The following MC2R variants were observed in gnomAD, a reference collection of about 807,000 sequenced individuals.
MC2R encodes adrenocorticotropic hormone receptor.
MC2R carries 9 observed loss-of-function variants against 9.8 expected under a neutral mutation model. The ratio of observed to expected loss-of-function variants is 0.92; its 90% CI spans 0.55 to 1.60. The LOEUF is 1.60. Ranked by LOEUF, MC2R falls within the 40% of genes most tolerant of loss-of-function variation. The pLI is 0.00. For synonymous variants in MC2R, 185 were observed against 154.7 expected (o/e 1.20, Z -1.45); for missense variants, 370 against 389.0 (o/e 0.95, Z 0.41).
Position 13,883,783 on chromosome 18 carries a change from C to T in MC2R, c.*842G>A, listed in dbSNP as rs1222909892. The T allele has an allele frequency of 6.6e-6, 1 of 152,150 alleles. No homozygotes were observed. Among genetic ancestry groups the T allele is most frequent in the Non-Finnish European group, 1.5e-5 (1 of 68,058 alleles). 9.4% of individuals were successfully genotyped at this position (152,150 alleles called of 1,614,324 possible). On this transcript the variant is annotated 3_prime_UTR_variant, in exon 2 of 2. Coordinates refer to ENST00000327606, the MANE Select transcript of MC2R (RefSeq NM_000529.2). ...CAAATAGTGACAATTTTCATCTGGCCTTTATGTATTCCCACATGGGAACTA... is the reference window on the plus strand; with the variant it reads ...CAAATAGTGACAATTTTCATCTGGCTTTTATGTATTCCCACATGGGAACTA...
intron 1 of MC2R, among the ~76,000 whole-genome samples, chr18:13,886,745 C>A (rs1230614782): frequency 6.6e-6 from 1 of 152,124 alleles, no homozygotes; most frequent in Non-Finnish European, 1.5e-5. Flanking sequence ...CGGCAGTGCA[C>A]CAGTGGGGAA....
intron 1 of MC2R, among the ~76,000 whole-genome samples, chr18:13,904,391 A>C (rs1178229219): frequency 6.6e-6 from 1 of 151,660 alleles, no homozygotes; most frequent in Non-Finnish European, 1.5e-5. Flanking sequence ...AAAAAAAAAA[A>C]AAAAAAAAGT....
rs912256893 is a variant in MC2R, at chr18:13,887,080, T to C, written c.-128-1434A>G. 3.9e-5 allele frequency among the ~76,000 whole-genome samples: 6 copies of C among 152,256 alleles called. No homozygotes were observed. In the South Asian group the frequency reaches 6.2e-4, roughly 16 times the overall value. ...TGCATCTCAGGAACCACCTCAGTCC[T>C]GGGCAGACAGGGATGAGTCACCTTC... On this transcript the variant is annotated intron_variant, in intron 1 of 1. Transcript: ENST00000327606.
At chr18:13,902,023 T>C (rs1033522824) in intron 1 of MC2R, among the ~76,000 whole-genome samples, 1 of 151,898 alleles carries the variant, frequency 6.6e-6, no homozygotes, top group Non-Finnish European at 1.5e-5. Flanking sequence ...AATTCAACAA[T>C]ATATTGGAAA....
At position 13,885,657 on chromosome 18, in the gene MC2R, G is replaced by T. The variant is rs2045271889; in HGVS notation, c.-128-11C>A. The T allele has an allele frequency of 2.1e-6, 2 of 953,770 alleles. No homozygotes were observed. The highest frequency in any genetic ancestry group is 1.7e-5 in the African/African-American group (1 of 60,338). The allele number at this position is 953,770 out of a possible 1,614,324, so 59.1% of individuals were successfully genotyped here. A position where few individuals can be genotyped will look rare whatever the true frequency, so the allele number is the denominator to read the frequency against. On this transcript the variant is annotated splice_polypyrimidine_tract_variant and intron_variant, in intron 1 of 1. Coordinates refer to ENST00000327606, the MANE Select transcript of MC2R (RefSeq NM_000529.2). ...AAATCTCCCAATCACCTAAAAGGGA[G>T]TATACAGAAATATTAGTTGCAAAGT...
chr18:13,902,154 T>C (rs2045383971), intron 1 of MC2R, among the ~76,000 whole-genome samples: 1 of 152,012 alleles, frequency 6.6e-6, no homozygotes, highest in South Asian at 2.1e-4. Flanking sequence ...AAAAACCATA[T>C]GATAATTTCA....
At chr18:13,908,692 G>A (rs1036599434) in intron 1 of MC2R, among the ~76,000 whole-genome samples, 4 of 111,568 alleles carry the variant, frequency 3.6e-5, no homozygotes, top group South Asian at 2.5e-4. Context: ...GCAGTTCAAC[G>A]GTGCAGGAGC....
rs1247444672 is a variant in MC2R at position 13,884,907 on chromosome 18, G to T, written c.612C>A (p.Thr204=). Residue 204 remains threonine (T), a synonymous_variant, in exon 2 of 2, where the codon ACC becomes ACA. Transcript: ENST00000327606. ...CTCTGGGGAGGGTGGAGATCTTCCT[G>T]GTGTGGGATCGAGCCAGCAGGAACA... ...VHMFLLARSH[T]RKISTLPRAN... The T allele has an allele frequency of 1.2e-6, 2 of 1,613,972 alleles. No homozygotes were observed. The highest frequency in any genetic ancestry group is 1.7e-6 in the Non-Finnish European group (2 of 1,180,004).
In MC2R at chr18:13,898,201, C is replaced by T. The variant is rs142050717; in HGVS notation, c.-128-12555G>A. On this transcript the variant is annotated intron_variant, in intron 1 of 1. Coordinates refer to ENST00000327606, the MANE Select transcript of MC2R (RefSeq NM_000529.2). ...CATTCACCACAACCTGACTGAAGAG[C>T]GCTTGCAAACAAGGAAACATCGGTG... Among the ~76,000 whole-genome samples, 113 of 152,274 alleles carry T rather than the reference C, an allele frequency of 7.4e-4. 2 individuals are homozygous for T. The East Asian group carries it at 0.015, about 21-fold the overall frequency.
intron 1 of MC2R, among the ~76,000 whole-genome samples, chr18:13,897,010 A>T (rs186791886): frequency 6.6e-6 from 1 of 152,346 alleles, no homozygotes; most frequent in Admixed American, 6.5e-5. Context: ...CAAGGACACC[A>T]ATTCAACAAC....
At position 13,882,961 on chromosome 18, in the gene MC2R, C is replaced by T. The variant is rs1023134377; in HGVS notation, c.*1664G>A. On this transcript the variant is annotated 3_prime_UTR_variant, in exon 2 of 2. Coordinates refer to ENST00000327606, the MANE Select transcript of MC2R (RefSeq NM_000529.2). ...GAGGACAAGAAGGTGCACCTTTCAC[C>T]TCCATCTGTGGGACAGGCCATGTGA... 1 of 152,182 alleles carries T rather than the reference C, an allele frequency of 6.6e-6. No homozygotes were observed. Among genetic ancestry groups the T allele is most frequent in the Non-Finnish European group, 1.5e-5 (1 of 68,036 alleles). The allele number at this position is 152,182 out of a possible 1,614,324, so 9.4% of individuals were successfully genotyped here.
intron 1 of MC2R, among the ~76,000 whole-genome samples, chr18:13,903,838 C>A (rs2045395061): frequency 6.6e-6 from 1 of 151,680 alleles, no homozygotes; most frequent in Non-Finnish European, 1.5e-5. Flanking sequence ...AAAAATGCAG[C>A]CTTAAAGGAA....
At position 13,900,521 on chromosome 18, in the gene MC2R, TA is replaced by T. The variant is rs1222205747; in HGVS notation, c.-128-14876del. On this transcript the variant is annotated intron_variant, in intron 1 of 1. Transcript: ENST00000327606. ...GCCTACAAGAAACACACTTCACCTA[TA>T]AAGACACACATGGACTGAAAATAAA... 2.0e-5 allele frequency among the ~76,000 whole-genome samples: 3 copies of T among 151,732 alleles called. No homozygotes were observed. The East Asian group carries it at 5.8e-4, about 29-fold the overall frequency.
chr18:13,911,673 T>C (rs1228912031), intron 1 of MC2R, among the ~76,000 whole-genome samples: 3 of 152,144 alleles, frequency 2.0e-5, no homozygotes, highest in African/African-American at 7.2e-5. Context: ...TCACTGGCTT[T>C]GCGCCATCTA....
intron 1 of MC2R, among the ~76,000 whole-genome samples, chr18:13,904,091 T>C (rs2045396887): frequency 6.6e-6 from 1 of 151,690 alleles, no homozygotes; most frequent in Non-Finnish European, 1.5e-5. Context: ...AAAATCATAA[T>C]AGGCCAGGCA....
At chr18:13,897,138 A>G (rs1333300249) in intron 1 of MC2R, among the ~76,000 whole-genome samples, 1 of 152,222 alleles carries the variant, frequency 6.6e-6, no homozygotes, top group Non-Finnish European at 1.5e-5. Context: ...AACAGTCTCA[A>G]ATTGCAGACA....
chr18:13,890,477 G>A (rs186469490), intron 1 of MC2R, among the ~76,000 whole-genome samples: 275 of 152,204 alleles, frequency 1.8e-3, no homozygotes, highest in Middle Eastern at 3.4e-3. Flanking sequence ...GCCAGTGTAG[G>A]ACTGTGCTCC....
chr18:13,884,843 C>G lies in MC2R; in HGVS notation c.676G>C (p.Gly226Arg), dbSNP rs761911005. The G allele has an allele frequency of 2.5e-6, 4 of 1,613,844 alleles. No individual in the cohort carries two copies. The African/African-American group carries it at 5.3e-5, about 22-fold the overall frequency. The change falls in exon 2 of 2, where the codon GGG (glycine) becomes CGG (arginine). Residue 226 changes from glycine to arginine, a missense_variant. Gly to Arg is a moderately radical substitution (Grantham distance 125, BLOSUM62 -2). Transcript: ENST00000327606. Reference sequence around the variant, plus strand: ...GGGGCCCAGCAGAAGATGAAGACCCCGAGCAGGATGGTCAGTGTGATGGCC... The same window carrying G: ...GGGGCCCAGCAGAAGATGAAGACCCGGAGCAGGATGGTCAGTGTGATGGCC... The part of the protein sequence containing the change: ...KGAITLTILL[G>R]VFIFCWAPFV...
chr18:13,901,209 C>G (rs2045378006), intron 1 of MC2R, among the ~76,000 whole-genome samples: 1 of 151,816 alleles, frequency 6.6e-6, no homozygotes, highest in African/African-American at 2.4e-5. Context: ...AATGCAAATA[C>G]AACATACCCA....
Sources: allele counts gnomAD v4.1 joint callset (sites outside exome capture counted in the v4.1 genomes callset), GRCh38; gene constraint gnomAD v4.1.1; transcripts MANE v1.5; gene names NCBI Gene and HGNC (gene_info 2026-07-23, HGNC 2026-07-21).